PHKB: variants seen among roughly 807,000 people sequenced by gnomAD.
The protein encoded by PHKB is phosphorylase b kinase regulatory subunit beta.
In PHKB, 122 loss-of-function variants were observed where a neutral mutation model predicts 152.1. The ratio of observed to expected loss-of-function variants is 0.80; its 90% CI spans 0.69 to 0.93. The LOEUF (loss-of-function observed/expected upper bound fraction) is 0.93, where lower values mean the gene tolerates loss of function less well. PHKB is among the 40% of genes least tolerant of loss of function. The probability of loss-of-function intolerance (pLI) is 0.00; values close to 1 mark genes in which losing one functional copy is unlikely to be tolerated. For synonymous variants in PHKB, 436 were observed against 464.9 expected (o/e 0.94, Z 0.80); for missense variants, 1,304 against 1,328.4 (o/e 0.98, Z 0.29).
In PHKB at chr16:47,497,385, A is replaced by AT. The variant is rs746737579; in HGVS notation, c.77-8dup. 8.5e-6 allele frequency: 13 copies of AT among 1,537,316 alleles called. No homozygotes were observed. In the African/African-American group the frequency reaches 1.1e-4, roughly 13 times the overall value. On this transcript the variant is annotated splice_polypyrimidine_tract_variant and intron_variant, in intron 1 of 30. Transcript: ENST00000323584. ...AAATGACTGAATTTGATGGGTTTTT[A>AT]TTTTTTCTTTTAGGCTCAGTTTATG...
At chr16:47,632,668 T>G (rs1394087474) in intron 14 of PHKB, among the ~76,000 whole-genome samples, 2 of 152,176 alleles carry the variant, frequency 1.3e-5, no homozygotes, top group Non-Finnish European at 2.9e-5. Context: ...TTGTTAAATT[T>G]TTGAGCCTTA....
intron 7 of PHKB, among the ~76,000 whole-genome samples, chr16:47,580,089 A>G (rs1971816821): frequency 6.6e-6 from 1 of 152,138 alleles, no homozygotes. Context: ...GAACCTAGAA[A>G]TATTTTTCCC....
intron 26 of PHKB, among the ~76,000 whole-genome samples, chr16:47,683,627 G>T (rs553362763): frequency 6.6e-6 from 1 of 152,276 alleles, no homozygotes; most frequent in Admixed American, 6.5e-5. Context: ...GCAGTATTAG[G>T]GTGGGAGTGA....
At chr16:47,699,024 T>G (rs1435249229) in intron 30 of PHKB, 1 of 593,486 alleles carries the variant, frequency 1.7e-6, no homozygotes, top group Non-Finnish European at 3.0e-6. Flanking sequence ...AAATAAAAAT[T>G]ATCAACAAAG....
At chr16:47,592,721 T>G (rs1395354674) in intron 10 of PHKB, among the ~76,000 whole-genome samples, 2 of 152,206 alleles carry the variant, frequency 1.3e-5, no homozygotes, top group East Asian at 3.8e-4. Flanking sequence ...TTCTCTGTCT[T>G]TTGTCTTAGT....
At chr16:47,693,150 T>C (rs1974091377) in intron 27 of PHKB, among the ~76,000 whole-genome samples, 1 of 152,178 alleles carries the variant, frequency 6.6e-6, no homozygotes, top group South Asian at 2.1e-4. Context: ...CAGGATAACA[T>C]TTTGTCTGTT....
chr16:47,463,095 C>G (rs375294809), intron 1 of PHKB: 1 of 152,594 alleles, frequency 6.6e-6, no homozygotes, highest in African/African-American at 2.4e-5. Context: ...AGTTTTCTTA[C>G]AGGGACCTGA....
At chr16:47,688,671 G>T (rs1302647756) in intron 26 of PHKB, among the ~76,000 whole-genome samples, 5 of 149,510 alleles carry the variant, frequency 3.3e-5, no homozygotes, top group Admixed American at 1.3e-4. Context: ...TTTCTCTGTA[G>T]CTCTCTTTCC....
intron 7 of PHKB, among the ~76,000 whole-genome samples, chr16:47,579,961 A>G (rs1371558685): frequency 1.3e-5 from 2 of 152,130 alleles, no homozygotes; most frequent in African/African-American, 4.8e-5. Context: ...TACTGCACTT[A>G]TCATCATAAT....
chr16:47,638,134 CCATA>C (rs1567336806), intron 14 of PHKB, among the ~76,000 whole-genome samples: 1 of 152,004 alleles, frequency 6.6e-6, no homozygotes, highest in African/African-American at 2.4e-5. Context: ...CACATTCAGA[CCATA>C]GCATTAAAGA....
intron 20 of PHKB, among the ~76,000 whole-genome samples, chr16:47,655,824 A>C (rs996372833): frequency 2.0e-5 from 3 of 152,180 alleles, no homozygotes; most frequent in African/African-American, 7.2e-5. Context: ...TGCAGAAGGG[A>C]ATAGAATTCA....
chr16:47,696,454 T>C lies in PHKB; in HGVS notation c.2969T>C (p.Ile990Thr), dbSNP rs1446256651. 2.5e-6 allele frequency: 4 copies of C among 1,605,058 alleles called. No individual in the cohort carries two copies. Among genetic ancestry groups the C allele is most frequent in the East Asian group, 4.5e-5 (2 of 44,868 alleles). The change falls in exon 29 of 31, where the codon ATT becomes ACT. Residue 990 changes from isoleucine to threonine, a missense_variant. Coordinates refer to ENST00000323584, the MANE Select transcript of PHKB (RefSeq NM_000293.3). ...CTTGTTGAAGACACGTTGGGAAATATTGACCAGCCACAGTACAGACAGATC... is the reference window on the plus strand; with the variant it reads ...CTTGTTGAAGACACGTTGGGAAATACTGACCAGCCACAGTACAGACAGATC... ...SLLVEDTLGNIDQPQYRQIVV... is the reference protein window; with the variant it reads ...SLLVEDTLGNTDQPQYRQIVV...
chr16:47,684,394 C>T (rs1973923370), intron 26 of PHKB, among the ~76,000 whole-genome samples: 1 of 152,148 alleles, frequency 6.6e-6, no homozygotes, highest in Non-Finnish European at 1.5e-5. Flanking sequence ...TACTTTATTT[C>T]ATATTGTACT....
intron 26 of PHKB, among the ~76,000 whole-genome samples, chr16:47,682,184 G>T (rs1375413103): frequency 6.6e-5 from 10 of 152,174 alleles, no homozygotes; most frequent in Non-Finnish European, 1.5e-4. Context: ...CTCTCTGGCT[G>T]CCCTTAACAT....
rs1380795478 is a variant in PHKB, at chr16:47,700,369, A to G, written c.*1003A>G. The stretch of plus-strand genomic sequence containing the variant: ...ATCTCAAAAAAAAAAAAAAAAAAGA[A>G]AAAGAAAAAAATATGTTAAATTTAA... On this transcript the variant is annotated 3_prime_UTR_variant, in exon 31 of 31. Coordinates refer to ENST00000323584, the MANE Select transcript of PHKB (RefSeq NM_000293.3). 6.6e-6 allele frequency: 1 copy of G among 151,702 alleles called. No individual in the cohort carries two copies. The highest frequency in any genetic ancestry group is 1.5e-5 in the Non-Finnish European group (1 of 67,964). The allele number at this position is 151,702 out of a possible 1,614,324, so 9.4% of individuals were successfully genotyped here.
chr16:47,663,880 C>A, intron 24 of PHKB, 146 bp downstream of exon 24: 1 of 679,640 alleles, frequency 1.5e-6, no homozygotes. Flanking sequence ...TAAGAATGTG[C>A]CTATGTAGCA....
chr16:47,555,523 A>G (rs1263952416), intron 7 of PHKB, among the ~76,000 whole-genome samples: 2 of 152,230 alleles, frequency 1.3e-5, no homozygotes, highest in African/African-American at 2.4e-5. Flanking sequence ...AGTGAATATT[A>G]GAATAAAGAT....
At chr16:47,548,833 T>G (rs1243784648) in intron 7 of PHKB, among the ~76,000 whole-genome samples, 1 of 152,186 alleles carries the variant, frequency 6.6e-6, no homozygotes, top group Non-Finnish European at 1.5e-5. Context: ...AATTTCTACT[T>G]TATGTCATTG....
At chr16:47,520,926 T>C (rs547483060) in intron 6 of PHKB, among the ~76,000 whole-genome samples, 44 of 152,292 alleles carry the variant, frequency 2.9e-4, no homozygotes, top group Non-Finnish European at 2.9e-4. Flanking sequence ...CATAGGTCTT[T>C]TAAAATTTCT....
Sources: allele counts gnomAD v4.1 joint callset (sites outside exome capture counted in the v4.1 genomes callset), GRCh38; gene constraint gnomAD v4.1.1; transcripts MANE v1.5; gene names NCBI Gene and HGNC (gene_info 2026-07-23, HGNC 2026-07-21).